The following CFAP47 variants were observed in gnomAD, a reference collection of about 807,000 sequenced individuals.
CFAP47 encodes the protein cilia- and flagella-associated protein 47.
Under a neutral mutation model 148.1 loss-of-function variants are expected in CFAP47, and 29 were observed. The ratio of observed to expected loss-of-function variants is 0.20; its 90% CI spans 0.15 to 0.27. CFAP47 has a LOEUF of 0.27. Among genes scored for constraint, CFAP47 ranks in the 10% least tolerant of loss-of-function variants. The pLI, the probability that CFAP47 is intolerant of heterozygous loss-of-function variation, is 1.00. For synonymous variants in CFAP47, 664 were observed against 577.3 expected, an observed-to-expected ratio of 1.15 and a Z score of -2.15; for missense variants, 1,872 against 1,697.5, an observed-to-expected ratio of 1.10 and a Z score of -1.81.
At chrX:36,187,715 C>A (rs1425756727) in intron 40 of CFAP47, among the ~76,000 whole-genome samples, 1 of 111,138 alleles carries the variant, frequency 9.0e-6, no homozygotes, top group African/African-American at 3.3e-5. Context: ...AACCAGAATA[C>A]CTGTGAGTAT....
intron 36 of CFAP47, among the ~76,000 whole-genome samples, chrX:36,148,012 G>A (rs1002071490): frequency 2.7e-5 from 3 of 111,593 alleles, no homozygotes; most frequent in African/African-American, 6.5e-5. Flanking sequence ...AAAACGGTAA[G>A]GCAGACTTTA....
intron 57 of CFAP47, among the ~76,000 whole-genome samples, chrX:36,320,357 G>A (rs1941468925): frequency 8.9e-6 from 1 of 111,942 alleles, no homozygotes; most frequent in African/African-American, 3.2e-5. Context: ...TAACATTTCA[G>A]TAAGAATGGG....
chrX:36,348,874 A>G (rs1941719982), intron 58 of CFAP47, among the ~76,000 whole-genome samples: 2 of 111,954 alleles, frequency 1.8e-5, no homozygotes, highest in Non-Finnish European at 3.8e-5. Context: ...GTTTAATTAA[A>G]TGATAATCTG....
intron 2 of CFAP47, among the ~76,000 whole-genome samples, chrX:35,935,335 T>C (rs1935894027): frequency 8.9e-6 from 1 of 111,785 alleles, no homozygotes; most frequent in South Asian, 3.7e-4. Context: ...TTTTACTTTC[T>C]GCTGTGACAG....
intron 39 of CFAP47, among the ~76,000 whole-genome samples, chrX:36,171,009 T>A (rs147610261): frequency 0.054 from 6,001 of 110,770 alleles, 168 homozygotes; most frequent in Middle Eastern, 0.11. Context: ...TGAAATGGTA[T>A]CTCATTGTGG....
At position 35,920,253 on chromosome X, in the gene CFAP47, A is replaced by T. The variant is rs747207931; in HGVS notation, c.249+205A>T. On this transcript the variant is annotated intron_variant, in intron 1 of 63. Coordinates refer to ENST00000378653, the MANE Select transcript of CFAP47 (RefSeq NM_001304548.2). ...TTTTGTTTAGGATTAGGAGATGGGGAGGGCAGGGTGGAGAAAAGCTGACCT... is the reference window on the plus strand; with the variant it reads ...TTTTGTTTAGGATTAGGAGATGGGGTGGGCAGGGTGGAGAAAAGCTGACCT... Among the ~76,000 whole-genome samples, 8 of 110,819 alleles carry T rather than the reference A, an allele frequency of 7.2e-5. No homozygotes were observed. The South Asian group carries it at 2.7e-3, about 38-fold the overall frequency.
chrX:36,198,530 C>T (rs944400105), intron 42 of CFAP47, among the ~76,000 whole-genome samples: 12 of 112,091 alleles, frequency 1.1e-4, no homozygotes, highest in South Asian at 3.7e-4. Flanking sequence ...GAAAAAGACC[C>T]GGAAAAGGAA....
At chrX:36,161,971 C>T (rs1939436758) in intron 39 of CFAP47, among the ~76,000 whole-genome samples, 1 of 112,055 alleles carries the variant, frequency 8.9e-6, no homozygotes. Flanking sequence ...GGTGTGTTAA[C>T]ACAGTATTAA....
chrX:36,314,586 G>A (rs912849555), intron 56 of CFAP47, among the ~76,000 whole-genome samples: 53 of 111,577 alleles, frequency 4.8e-4, no homozygotes, highest in African/African-American at 1.7e-3. Context: ...ATAGCTTATG[G>A]TTCTCAATGT....
intron 3 of CFAP47, among the ~76,000 whole-genome samples, chrX:35,943,411 C>G (rs1015950315): frequency 9.0e-6 from 1 of 111,212 alleles, no homozygotes; most frequent in African/African-American, 3.3e-5. Flanking sequence ...CAGTTATAAC[C>G]TTTGTTTTTA....
At chrX:35,954,907 A>G (rs1319546410) in intron 7 of CFAP47, among the ~76,000 whole-genome samples, 1 of 112,373 alleles carries the variant, frequency 8.9e-6, no homozygotes, top group Non-Finnish European at 1.9e-5. Flanking sequence ...TTGGGTCTGC[A>G]CATGGGAATC....
intron 33 of CFAP47, among the ~76,000 whole-genome samples, chrX:36,130,062 C>T (rs776406621): frequency 9.0e-5 from 10 of 110,956 alleles, no homozygotes; most frequent in Non-Finnish European, 1.7e-4. Flanking sequence ...ACTTCTGTAA[C>T]TAAAATTTTT....
At chrX:36,284,206 C>T (rs1317542240) in intron 50 of CFAP47, among the ~76,000 whole-genome samples, 2 of 111,215 alleles carry the variant, frequency 1.8e-5, no homozygotes, top group Non-Finnish European at 3.8e-5. Flanking sequence ...TTATTTTCTG[C>T]ACATTTCTGC....
At chrX:36,160,036 G>A (rs146637597) in intron 38 of CFAP47, among the ~76,000 whole-genome samples, 1,867 of 111,772 alleles carry the variant, frequency 0.017, 40 homozygotes, top group African/African-American at 0.058. Flanking sequence ...TACAATGGAT[G>A]TATGGTACAG....
chrX:36,256,828 C>T (rs1481078239), intron 49 of CFAP47, among the ~76,000 whole-genome samples: 2 of 111,462 alleles, frequency 1.8e-5, no homozygotes, highest in African/African-American at 6.5e-5. Flanking sequence ...GTCCCTAAAG[C>T]CAAGATTCCA....
intron 22 of CFAP47, among the ~76,000 whole-genome samples, chrX:36,017,477 A>C (rs1937110040): frequency 8.9e-6 from 1 of 112,180 alleles, no homozygotes; most frequent in Non-Finnish European, 1.9e-5. Flanking sequence ...AATGTCCTGG[A>C]AAGTTTCCCC....
intron 33 of CFAP47, among the ~76,000 whole-genome samples, chrX:36,107,707 G>C (rs1437870622): frequency 9.0e-6 from 1 of 111,114 alleles, no homozygotes; most frequent in Admixed American, 9.6e-5. Flanking sequence ...TCTTGTCTTG[G>C]CTTTGTTCTT....
In CFAP47 at chrX:36,251,959, G is replaced by C. The variant is rs781789078; in HGVS notation, c.7444+515G>C. Among the ~76,000 whole-genome samples, 201 of 110,951 alleles carry C rather than the reference G, an allele frequency of 1.8e-3. 1 individual carries two copies. Among genetic ancestry groups the C allele is most frequent in the Non-Finnish European group, 2.6e-3 (136 of 52,676 alleles). On this transcript the variant is annotated intron_variant, in intron 49 of 63. Coordinates refer to ENST00000378653, the MANE Select transcript of CFAP47 (RefSeq NM_001304548.2). Reference sequence around the variant, plus strand: ...GTCCCAGAACAGAATTACTTACATGGGAATCGGAGGGAGAGGTGTTCCTGT... The same window carrying C: ...GTCCCAGAACAGAATTACTTACATGCGAATCGGAGGGAGAGGTGTTCCTGT...
intron 6 of CFAP47, among the ~76,000 whole-genome samples, chrX:35,953,123 T>C (rs1936191852): frequency 8.9e-6 from 1 of 112,243 alleles, no homozygotes; most frequent in African/African-American, 3.2e-5. Context: ...TAGCAATTCG[T>C]GTTCTCCAAA....
Sources: gnomAD v4.1 joint callset for allele counts (sites outside exome capture counted in the v4.1 genomes callset) on GRCh38, gnomAD v4.1.1 for gene constraint, MANE v1.5 for transcripts, NCBI Gene and HGNC (gene_info 2026-07-23, HGNC 2026-07-21) for gene names.